Variants in PRKG1 observed in about 807,000 individuals in gnomAD.
The protein encoded by PRKG1 is cGMP-dependent protein kinase 1.
In PRKG1, 35 loss-of-function variants were observed where a neutral mutation model predicts 88.1. The ratio of observed to expected loss-of-function variants is 0.40; its 90% CI spans 0.30 to 0.53. The LOEUF is 0.53. Among genes scored for constraint, PRKG1 ranks in the 20% least tolerant of loss-of-function variants. The pLI is 0.59. For synonymous variants in PRKG1, 303 were observed against 292.5 expected (o/e 1.04, Z -0.37); for missense variants, 540 against 839.8 (o/e 0.64, Z 4.41).
At chr10:51,762,911 G>A (rs1838057525) in intron 3 of PRKG1, among the ~76,000 whole-genome samples, 1 of 152,152 alleles carries the variant, frequency 6.6e-6, no homozygotes, top group Non-Finnish European at 1.5e-5. Context: ...ATTTTAAGAA[G>A]TCAGTGCCAT....
chr10:52,115,664 G>A (rs972029887), intron 7 of PRKG1, among the ~76,000 whole-genome samples: 2 of 152,024 alleles, frequency 1.3e-5, no homozygotes, highest in African/African-American at 2.4e-5. Context: ...TTGTCACTGT[G>A]CTCACACCTT....
At chr10:52,087,945 C>G (rs1846956759) in intron 7 of PRKG1, among the ~76,000 whole-genome samples, 1 of 152,136 alleles carries the variant, frequency 6.6e-6, no homozygotes, top group African/African-American at 2.4e-5. Context: ...TTTCTTGAAA[C>G]ACTGAGCACA....
intron 8 of PRKG1, among the ~76,000 whole-genome samples, chr10:52,157,907 G>A (rs540155132): frequency 6.6e-6 from 1 of 151,436 alleles, no homozygotes; most frequent in South Asian, 2.1e-4. Context: ...CAATATCTGT[G>A]TACTCAACTG....
chr10:51,401,139 T>C (rs1837726927), intron 2 of PRKG1, among the ~76,000 whole-genome samples: 2 of 152,234 alleles, frequency 1.3e-5, no homozygotes. Context: ...CAGGCAATAT[T>C]AATTTTAACA....
At position 51,467,757 on chromosome 10, in the gene PRKG1, G is replaced by A. The variant is rs1470805353; in HGVS notation, c.513G>A (p.Lys171=). The A allele has an allele frequency of 6.2e-7, 1 of 1,612,796 alleles. No homozygotes were observed. ...TTGAAGTTACAAAAGAAGGTGTGAA[G>A]TTGTGTACCATGGGTCCAGGAAAAG... ...GKVEVTKEGV[K]LCTMGPGKVF... The change falls in exon 3 of 18, where the codon AAG becomes AAA. Residue 171 remains lysine (K), a synonymous_variant. Coordinates refer to ENST00000373980, the MANE Select transcript of PRKG1 (RefSeq NM_006258.4).
At chr10:52,206,326 T>C (rs1839818991) in intron 9 of PRKG1, among the ~76,000 whole-genome samples, 1 of 152,214 alleles carries the variant, frequency 6.6e-6, no homozygotes, top group African/African-American at 2.4e-5. Context: ...ATTGTATTCC[T>C]TAGATTCCTT....
At chr10:51,630,634 G>T (rs920141648) in intron 3 of PRKG1, among the ~76,000 whole-genome samples, 1 of 152,160 alleles carries the variant, frequency 6.6e-6, no homozygotes, top group Admixed American at 6.5e-5. Flanking sequence ...ATATTGGTAG[G>T]CTCATCAACC....
At chr10:51,370,491 A>G (rs1842680424) in intron 2 of PRKG1, among the ~76,000 whole-genome samples, 2 of 133,358 alleles carry the variant, frequency 1.5e-5, no homozygotes, top group African/African-American at 5.7e-5. Context: ...AGAAAGAGAG[A>G]GAGAGTGTGT....
intron 2 of PRKG1, among the ~76,000 whole-genome samples, chr10:51,255,481 A>G (rs1318460293): frequency 3.3e-5 from 5 of 152,094 alleles, no homozygotes; most frequent in African/African-American, 7.2e-5. Context: ...ATCATCTCAC[A>G]TAAGGATTTT....
intron 3 of PRKG1, among the ~76,000 whole-genome samples, chr10:51,758,874 G>A (rs1469255567): frequency 7.5e-6 from 1 of 133,332 alleles, no homozygotes; most frequent in East Asian, 2.8e-4. Context: ...AGGGCCCAGA[G>A]TGTGATGTTT....
chr10:51,651,736 A>T (rs1481778355), intron 3 of PRKG1, among the ~76,000 whole-genome samples: 1 of 151,944 alleles, frequency 6.6e-6, no homozygotes, highest in African/African-American at 2.4e-5. Context: ...GGTGCACGTC[A>T]CCATGCCCAG....
At chr10:52,066,430 C>T (rs1351883272) in intron 7 of PRKG1, among the ~76,000 whole-genome samples, 2 of 151,982 alleles carry the variant, frequency 1.3e-5, no homozygotes, top group Admixed American at 6.6e-5. Context: ...TATCAAATAC[C>T]CACATATTTT....
rs118063054 is a variant in PRKG1, at chr10:52,215,089, A to T, written c.1077-36481A>T. 5.5e-3 allele frequency among the ~76,000 whole-genome samples: 836 copies of T among 151,240 alleles called. 34 individuals carry two copies. The East Asian group carries it at 0.11, about 19-fold the overall frequency. The stretch of plus-strand genomic sequence containing the variant: ...AGATGCCATTTTGGAGAGATGTATT[A>T]TTCTAAATACAAAGTCTATTTTGGG... On this transcript the variant is annotated intron_variant, in intron 9 of 17. Coordinates refer to ENST00000373980, the MANE Select transcript of PRKG1 (RefSeq NM_006258.4).
intron 2 of PRKG1, among the ~76,000 whole-genome samples, chr10:51,194,287 G>A (rs887466389): frequency 3.3e-5 from 5 of 149,564 alleles, no homozygotes; most frequent in Non-Finnish European, 7.4e-5. Flanking sequence ...TGTGCTGAAT[G>A]AGCAGGTTTG....
intron 9 of PRKG1, among the ~76,000 whole-genome samples, chr10:52,211,011 A>G (rs1049948547): frequency 2.0e-5 from 3 of 152,230 alleles, no homozygotes; most frequent in African/African-American, 7.2e-5. Context: ...CATCAGTTAT[A>G]TAGTAAACAT....
At chr10:51,374,989 G>C (rs1480645227) in intron 2 of PRKG1, among the ~76,000 whole-genome samples, 1 of 152,074 alleles carries the variant, frequency 6.6e-6, no homozygotes, top group Non-Finnish European at 1.5e-5. Flanking sequence ...GAGAGAGAGA[G>C]AGAGTCAGTA....
At chr10:51,231,237 T>C (rs1007235736) in intron 2 of PRKG1, among the ~76,000 whole-genome samples, 43 of 152,192 alleles carry the variant, frequency 2.8e-4, no homozygotes, top group African/African-American at 1.0e-3. Context: ...TAAAGTTGTA[T>C]AATTTCCTAC....
chr10:52,184,652 A>G (rs894881107), intron 9 of PRKG1: 1 of 152,168 alleles, frequency 6.6e-6, no homozygotes, highest in Non-Finnish European at 1.5e-5. Context: ...TGTAATTTAT[A>G]TAGAAAAGAG....
At chr10:51,239,596 C>T (rs961698712) in intron 2 of PRKG1, among the ~76,000 whole-genome samples, 9 of 152,072 alleles carry the variant, frequency 5.9e-5, no homozygotes, top group Admixed American at 2.0e-4. Flanking sequence ...GAGACCTCGG[C>T]GCACCCCCCT....
Sources: allele counts gnomAD v4.1 joint callset (sites outside exome capture counted in the v4.1 genomes callset), GRCh38; gene constraint gnomAD v4.1.1; transcripts MANE v1.5; gene names NCBI Gene and HGNC (gene_info 2026-07-23, HGNC 2026-07-21).